SNAP25: variants seen among roughly 807,000 people sequenced by gnomAD.
SNAP25 encodes the protein synaptosome associated protein 25.
SNAP25 carries 3 observed loss-of-function variants against 28.7 expected under a neutral mutation model. The ratio of observed to expected loss-of-function variants is 0.10; its 90% CI spans 0.05 to 0.27. The LOEUF is 0.27. Among genes scored for constraint, SNAP25 ranks in the 10% least tolerant of loss-of-function variants. The pLI is 1.00. For missense variants in SNAP25, 117 were observed against 278.7 expected, an observed-to-expected ratio of 0.42 and a Z score of 4.13; for synonymous variants, 61 against 88.1, an observed-to-expected ratio of 0.69 and a Z score of 1.72.
chr20:10,264,750 A>G (rs1178193671), intron 1 of SNAP25, among the ~76,000 whole-genome samples: 1 of 152,146 alleles, frequency 6.6e-6, no homozygotes, highest in African/African-American at 2.4e-5. Flanking sequence ...CATGCTACAC[A>G]TGGATCCTTC....
chr20:10,292,766 G>A (rs2123117774), intron 4 of SNAP25: 2 of 705,306 alleles, frequency 2.8e-6, no homozygotes, highest in African/African-American at 1.8e-5. Context: ...GCATCCTCTT[G>A]GACAATGCAT....
intron 7 of SNAP25, among the ~76,000 whole-genome samples, chr20:10,304,804 A>G (rs775309283): frequency 1.3e-5 from 2 of 152,182 alleles, no homozygotes; most frequent in Admixed American, 6.5e-5. Context: ...GCAAGAGATC[A>G]CTTTTTACTG....
intron 1 of SNAP25, among the ~76,000 whole-genome samples, chr20:10,244,877 C>A (rs911859577): frequency 6.6e-6 from 1 of 151,828 alleles, no homozygotes; most frequent in Non-Finnish European, 1.5e-5. Flanking sequence ...ATTACAGGCA[C>A]GCGCCACCAA....
intron 7 of SNAP25, among the ~76,000 whole-genome samples, chr20:10,301,139 A>G (rs2064226212): frequency 6.6e-6 from 1 of 152,212 alleles, no homozygotes; most frequent in African/African-American, 2.4e-5. Flanking sequence ...TTTAAGCAAG[A>G]AAATGTGTTC....
intron 1 of SNAP25, among the ~76,000 whole-genome samples, chr20:10,253,970 G>A (rs2063275352): frequency 1.3e-5 from 2 of 152,234 alleles, no homozygotes; most frequent in East Asian, 3.9e-4. Flanking sequence ...CTCCCACAGA[G>A]CCCACAGATG....
At chr20:10,242,418 G>T (rs903575557) in intron 1 of SNAP25, among the ~76,000 whole-genome samples, 4 of 152,158 alleles carry the variant, frequency 2.6e-5, no homozygotes, top group Non-Finnish European at 5.9e-5. Flanking sequence ...AGGGGAGGGG[G>T]TTCCTGTGTC....
chr20:10,223,261 C>T (rs1223839363), intron 1 of SNAP25, among the ~76,000 whole-genome samples: 1 of 152,152 alleles, frequency 6.6e-6, no homozygotes, highest in African/African-American at 2.4e-5. Flanking sequence ...CTGGATTACA[C>T]CCATTTCCTT....
Position 10,293,342 on chromosome 20 carries a change from C to T in SNAP25, c.281+64C>T. On this transcript the variant is annotated intron_variant, in intron 5 of 7. Transcript: ENST00000254976. The surrounding 1 kb of genome is among the most constrained non-coding windows in gnomAD (Gnocchi z 5.6). The stretch of plus-strand genomic sequence containing the variant: ...AGGCCCATCTCCAAGCCTTGACAAG[C>T]TCATTCCTGCCAAGCTCATAGGCAG... 1 of 1,258,278 alleles carries T rather than the reference C, an allele frequency of 7.9e-7. No homozygotes were observed. The highest frequency in any genetic ancestry group is 1.2e-6 in the Non-Finnish European group (1 of 858,864). 77.9% of individuals were successfully genotyped at this position (1,258,278 alleles called of 1,614,324 possible).
At chr20:10,272,980 ATT>A (rs2063623702) in intron 1 of SNAP25, among the ~76,000 whole-genome samples, 1 of 152,168 alleles carries the variant, frequency 6.6e-6, no homozygotes, top group Middle Eastern at 3.2e-3. Context: ...AGAGCAATAA[ATT>A]TGGAAAGTGA....
intron 1 of SNAP25, among the ~76,000 whole-genome samples, chr20:10,230,372 G>T (rs1052413980): frequency 6.6e-6 from 1 of 152,054 alleles, no homozygotes; most frequent in Admixed American, 6.6e-5. Context: ...GGGGGAAAAT[G>T]GTTCCTTCTT....
chr20:10,264,874 A>G (rs2063480362), intron 1 of SNAP25, among the ~76,000 whole-genome samples: 1 of 151,970 alleles, frequency 6.6e-6, no homozygotes, highest in South Asian at 2.1e-4. Context: ...GCATTTTAGC[A>G]AGCAACTAAA....
chr20:10,270,417 A>C (rs2063573413), intron 1 of SNAP25, among the ~76,000 whole-genome samples: 1 of 151,996 alleles, frequency 6.6e-6, no homozygotes, highest in Non-Finnish European at 1.5e-5. Context: ...ATGCAGAATC[A>C]GCTGGCCACG....
Position 10,299,341 on chromosome 20 carries a change from C to G in SNAP25, c.481C>G (p.Arg161Gly). Residue 161 changes from arginine (R) to glycine (G), a missense_variant, in exon 7 of 8, where the codon CGT (arginine) becomes GGT (glycine). Physicochemically the swap from Arg to Gly is moderately radical, Grantham distance 125. Around this residue, in one of 3 missense-constraint regions of SNAP25, gnomAD observed 88 missense variants for 206.9 expected, o/e 0.43. Coordinates refer to ENST00000254976, the MANE Select transcript of SNAP25 (RefSeq NM_130811.4). Reference protein sequence around the residue: ...EQVSGIIGNLRHMALDMGNEI... With the variant: ...EQVSGIIGNLGHMALDMGNEI... ...GGTGAGCGGCATCATCGGGAACCTCCGTCACATGGCCCTGGATATGGGCAA... is the reference window on the plus strand; with the variant it reads ...GGTGAGCGGCATCATCGGGAACCTCGGTCACATGGCCCTGGATATGGGCAA... 6.2e-7 allele frequency: 1 copy of G among 1,614,046 alleles called. No individual in the cohort carries two copies.
intron 1 of SNAP25, among the ~76,000 whole-genome samples, chr20:10,271,265 T>C (rs2063586550): frequency 6.6e-6 from 1 of 152,184 alleles, no homozygotes; most frequent in Non-Finnish European, 1.5e-5. Context: ...TCAGCTGCTG[T>C]CTTTTAGAAT....
At chr20:10,292,318 C>A (rs556586895) in intron 4 of SNAP25, among the ~76,000 whole-genome samples, 2 of 152,292 alleles carry the variant, frequency 1.3e-5, no homozygotes, top group Non-Finnish European at 2.9e-5. Context: ...TACATATGCA[C>A]AATCAAGTGC....
intron 1 of SNAP25, among the ~76,000 whole-genome samples, chr20:10,251,552 G>A (rs763861466): frequency 1.3e-5 from 2 of 152,302 alleles, no homozygotes; most frequent in South Asian, 2.1e-4. Flanking sequence ...GCATGCTCCT[G>A]AAGGAGCAAT....
intron 2 of SNAP25, among the ~76,000 whole-genome samples, chr20:10,276,130 T>G (rs2063687107): frequency 6.6e-6 from 1 of 152,178 alleles, no homozygotes; most frequent in African/African-American, 2.4e-5. Flanking sequence ...TCCAACTTCA[T>G]GATCAGTAAT....
At chr20:10,248,078 G>A (rs2063160331) in intron 1 of SNAP25, among the ~76,000 whole-genome samples, 1 of 152,182 alleles carries the variant, frequency 6.6e-6, no homozygotes, top group Admixed American at 6.5e-5. Context: ...AAGACGGATG[G>A]AGAACACTCC....
intron 1 of SNAP25, among the ~76,000 whole-genome samples, chr20:10,240,845 A>AT (rs1434335046): frequency 6.6e-6 from 1 of 152,184 alleles, no homozygotes; most frequent in African/African-American, 2.4e-5. Context: ...AAGAGCAGGC[A>AT]GGGGGCTCTG....
Sources: allele counts gnomAD v4.1 joint callset (sites outside exome capture counted in the v4.1 genomes callset), GRCh38; gene constraint gnomAD v4.1.1; regional missense constraint gnomAD v4.1.1; non-coding constraint Gnocchi (gnomAD v3.1); transcripts MANE v1.5; gene names NCBI Gene and HGNC (gene_info 2026-07-23, HGNC 2026-07-21).